ATP1A1: variants seen among roughly 807,000 people sequenced by gnomAD.
The protein encoded by ATP1A1 is ATPase Na+/K+ transporting subunit alpha 1.
ATP1A1 carries 14 observed loss-of-function variants against 114.8 expected under a neutral mutation model. The observed-to-expected ratio is 0.12, with a 90% CI of 0.08 to 0.19. The LOEUF (loss-of-function observed/expected upper bound fraction) is 0.19, where lower values mean the gene tolerates loss of function less well. Ranked by LOEUF, ATP1A1 falls within the 10% of genes least tolerant of loss-of-function variation. The pLI is 1.00. For missense variants in ATP1A1, 524 were observed against 1,290.7 expected (o/e 0.41, Z 9.10); for synonymous variants, 471 against 466.3 (o/e 1.01, Z -0.13).
In ATP1A1 at chr1:116,403,935, T is replaced by C. The variant is rs1290814804; in HGVS notation, c.3003T>C (p.Tyr1001=). ...CCTACTCTCTTCTCATCTTCGTATATGACGAAGTCAGAAAACTCATCATCA... is the reference window on the plus strand; with the variant it reads ...CCTACTCTCTTCTCATCTTCGTATACGACGAAGTCAGAAAACTCATCATCA... ...AFPYSLLIFV[Y]DEVRKLIIRR... The change falls in exon 22 of 23, where the codon TAT becomes TAC. Residue 1001 remains tyrosine (Y), a synonymous_variant. Transcript: ENST00000295598. The C allele has an allele frequency of 3.7e-6, 6 of 1,614,258 alleles. No individual in the cohort carries two copies. Among genetic ancestry groups the C allele is most frequent in the South Asian group, 1.1e-5 (1 of 91,088 alleles).
rs944306307 is a variant in ATP1A1 at position 116,384,217 on chromosome 1, A to G, written c.123+93A>G. 1.0e-5 allele frequency: 10 copies of G among 993,094 alleles called. No individual in the cohort carries two copies. The highest frequency in any genetic ancestry group is 3.3e-5 in the African/African-American group (2 of 61,012). 61.5% of individuals were successfully genotyped at this position (993,094 alleles called of 1,614,324 possible). On this transcript the variant is annotated intron_variant, in intron 2 of 22. Coordinates refer to ENST00000295598, the MANE Select transcript of ATP1A1 (RefSeq NM_000701.8). The surrounding 1 kb of genome is among the most constrained non-coding windows in gnomAD (Gnocchi z 5.1). ...TCACTGTATTCTTCAAAGAACTGCT[A>G]TATATTAAAAGAGATCATAGCAGCT...
intron 10 of ATP1A1, 142 bp downstream of exon 10, chr1:116,391,033 T>C: frequency 1.6e-6 from 1 of 644,940 alleles, no homozygotes; most frequent in Non-Finnish European, 2.7e-6. Flanking sequence ...AGTACTTTGC[T>C]GTGTGTAACT....
At position 116,373,366 on chromosome 1, in the gene ATP1A1, G is replaced by GCCCAACCCCCC; in HGVS notation, c.-143_-142insAACCCCCCCCC. 4.1e-6 allele frequency: 2 copies of GCCCAACCCCCC among 491,884 alleles called. No individual in the cohort carries two copies. Among genetic ancestry groups the GCCCAACCCCCC allele is most frequent in the Non-Finnish European group, 3.2e-6 (1 of 310,222 alleles). 30.5% of individuals were successfully genotyped at this position (491,884 alleles called of 1,614,324 possible). ...GCGGCATCGGCCCGAGCCGCCGGCC[G>GCCCAACCCCCC]CCCTCCCACCCTCCCGCCCCGCGGC... On this transcript the variant is annotated 5_prime_UTR_variant, in exon 1 of 23. Transcript: ENST00000295598.
intron 1 of ATP1A1, among the ~76,000 whole-genome samples, chr1:116,380,113 C>T (rs1352704668): frequency 6.6e-6 from 1 of 152,178 alleles, no homozygotes; most frequent in Non-Finnish European, 1.5e-5. Flanking sequence ...ACTAATCAGA[C>T]TATGAAAATG....
Position 116,387,333 on chromosome 1 carries a change from C to T in ATP1A1, c.229C>T (p.Pro77Ser). The change falls in exon 4 of 23, where the codon CCC (proline) becomes TCC (serine). Residue 77 changes from proline to serine, a missense_variant. By Grantham distance (74) the Pro-to-Ser change is moderately conservative. This residue lies in a region of ATP1A1 where 141 missense variants were observed against 316.6 expected (regional missense o/e 0.45). Transcript: ENST00000295598. The surrounding 1 kb of genome is among the most constrained non-coding windows in gnomAD (Gnocchi z 6.7). Reference sequence around the variant, plus strand: ...AGCTGAGATCCTGGCGCGAGATGGTCCCAACGCCCTCACTCCCCCTCCCAC... The same window carrying T: ...AGCTGAGATCCTGGCGCGAGATGGTTCCAACGCCCTCACTCCCCCTCCCAC... ...RAAEILARDG[P>S]NALTPPPTTP... The T allele has an allele frequency of 6.2e-7, 1 of 1,614,166 alleles. No homozygotes were observed. The highest frequency in any genetic ancestry group is 8.5e-7 in the Non-Finnish European group (1 of 1,180,030).
In ATP1A1 at chr1:116,389,706, C is replaced by T. The variant is rs759607882; in HGVS notation, c.1022C>T (p.Thr341Met). The T allele has an allele frequency of 1.2e-6, 2 of 1,613,954 alleles. No individual in the cohort carries two copies. The highest frequency in any genetic ancestry group is 8.5e-7 in the Non-Finnish European group (1 of 1,179,898). Residue 341 changes from threonine (T) to methionine (M), a missense_variant and splice_region_variant, in exon 8 of 23, where the codon ACG becomes ATG. Thr to Met is a moderately conservative substitution (Grantham distance 81). Around this residue, in one of 8 missense-constraint regions of ATP1A1, gnomAD observed 28 missense variants for 131.8 expected, o/e 0.21. Coordinates refer to ENST00000295598, the MANE Select transcript of ATP1A1 (RefSeq NM_000701.8). This position sits in a 1 kb window ranked among gnomAD's most constrained non-coding sequence, Gnocchi z 6.9. Reference protein sequence around the residue: ...NVPEGLLATVTVCLTLTAKRM... With the variant: ...NVPEGLLATVMVCLTLTAKRM... Reference sequence around the variant, plus strand: ...CCGGAAGGTTTGCTGGCCACTGTCACGGTAAGAGGCAGGTGATGGTCACCC... The same window carrying T: ...CCGGAAGGTTTGCTGGCCACTGTCATGGTAAGAGGCAGGTGATGGTCACCC...
intron 1 of ATP1A1, chr1:116,374,162 G>T: frequency 6.5e-7 from 1 of 1,549,484 alleles, no homozygotes; most frequent in Non-Finnish European, 8.7e-7. Context: ...GAAAAAACTG[G>T]CTGCTTCTAA....
rs1192890888 is a variant in ATP1A1, at chr1:116,393,291, CG to C, written c.1468-239del. On this transcript the variant is annotated intron_variant, in intron 11 of 22. Transcript: ENST00000295598. This position sits in a 1 kb window ranked among gnomAD's most constrained non-coding sequence, Gnocchi z 5.0. ...CCCCAATCCCTGTGTTCTGAAATTT[CG>C]TATGTTCTTTTTTAATGTGAACAAA... 4.6e-5 allele frequency among the ~76,000 whole-genome samples: 7 copies of C among 151,012 alleles called. No homozygotes were observed. Among genetic ancestry groups the C allele is most frequent in the Non-Finnish European group, 8.8e-5 (6 of 67,938 alleles).
chr1:116,373,926 G>C (rs1651172392), intron 1 of ATP1A1: 2 of 1,308,838 alleles, frequency 1.5e-6, no homozygotes, highest in Non-Finnish European at 1.9e-6. Flanking sequence ...CCCTCCCTGC[G>C]ACCGCCGTCA....
rs952022699 is a variant in ATP1A1 at position 116,389,957 on chromosome 1, G to A, written c.1023+250G>A. On this transcript the variant is annotated intron_variant, in intron 8 of 22. Transcript: ENST00000295598. The surrounding 1 kb of genome is among the most constrained non-coding windows in gnomAD (Gnocchi z 6.9). Reference sequence around the variant, plus strand: ...ACGTGGTCCTGAACAGTGCAGTGGAGAAAGGAGAAGAACTTGGGATCAAGT... The same window carrying A: ...ACGTGGTCCTGAACAGTGCAGTGGAAAAAGGAGAAGAACTTGGGATCAAGT... 7.5e-6 allele frequency: 5 copies of A among 669,072 alleles called. No homozygotes were observed. The East Asian group carries it at 1.1e-4, about 15-fold the overall frequency. 41.4% of individuals were successfully genotyped at this position (669,072 alleles called of 1,614,324 possible).
At chr1:116,386,835 G>C (rs537622919) in intron 3 of ATP1A1, among the ~76,000 whole-genome samples, 1 of 152,266 alleles carries the variant, frequency 6.6e-6, no homozygotes, top group South Asian at 2.1e-4. Flanking sequence ...ATTTCTACAG[G>C]AAGTTTTTTT....
At position 116,387,480 on chromosome 1, in the gene ATP1A1, C is replaced by G. The variant is rs1652176795; in HGVS notation, c.376C>G (p.Gln126Glu). The change falls in exon 4 of 23, where the codon CAA becomes GAA. Residue 126 changes from glutamine to glutamate, a missense_variant. Physicochemically the swap from Gln to Glu is conservative, Grantham distance 29 (BLOSUM62 2). Around this residue, in one of 8 missense-constraint regions of ATP1A1, gnomAD observed 141 missense variants for 316.6 expected, o/e 0.45. Transcript: ENST00000295598. This position sits in a 1 kb window ranked among gnomAD's most constrained non-coding sequence, Gnocchi z 6.7. ...SIQAATEEEP[Q>E]NDNLYLGVVL... ...CCAAGCTGCTACAGAAGAGGAACCT[C>G]AAAACGATAATGTGAGTTCTGTAAT... The G allele has an allele frequency of 1.2e-6, 2 of 1,614,176 alleles. No individual in the cohort carries two copies. Among genetic ancestry groups the G allele is most frequent in the Non-Finnish European group, 1.7e-6 (2 of 1,180,022 alleles).
Position 116,388,808 on chromosome 1 carries a change from T to C in ATP1A1, c.636+36T>C. ...TATTTTAACAAACCTCATAGCTAGC[T>C]CTGCTGTTCGGGCAGCTTGATTTGA... On this transcript the variant is annotated intron_variant, in intron 6 of 22. Transcript: ENST00000295598. This position sits in a 1 kb window ranked among gnomAD's most constrained non-coding sequence, Gnocchi z 5.6. 6.2e-7 allele frequency: 1 copy of C among 1,613,352 alleles called. No homozygotes were observed. Among genetic ancestry groups the C allele is most frequent in the East Asian group, 2.2e-5 (1 of 44,872 alleles).
At chr1:116,383,984 T>C (rs984468691) in intron 1 of ATP1A1, 30 bp from the exon 2 acceptor site, 3 of 1,580,330 alleles carry the variant, frequency 1.9e-6, no homozygotes, top group Admixed American at 3.4e-5. Context: ...TCATAATTCA[T>C]GGCCTCACTT....
intron 12 of ATP1A1, among the ~76,000 whole-genome samples, chr1:116,394,015 A>C (rs1473883684): frequency 6.6e-6 from 1 of 152,218 alleles, no homozygotes; most frequent in Admixed American, 6.5e-5. Context: ...GTTTAAAAAA[A>C]AAAATGGTGG....
chr1:116,381,351 G>T lies in ATP1A1; in HGVS notation c.13-2663G>T, dbSNP rs75844757. Among the ~76,000 whole-genome samples the T allele has an allele frequency of 9.7e-4, 148 of 152,324 alleles. No individual in the cohort carries two copies. Among genetic ancestry groups the T allele is most frequent in the African/African-American group, 3.5e-3 (144 of 41,574 alleles). ...TTGCAGCTTTGAGACTGAGGTAATT[G>T]AGACTGATAGGGATTTAAGGATATT... is the stretch of plus-strand genomic sequence containing the variant. On this transcript the variant is annotated intron_variant, in intron 1 of 22. Coordinates refer to ENST00000295598, the MANE Select transcript of ATP1A1 (RefSeq NM_000701.8). The surrounding 1 kb of genome is among the most constrained non-coding windows in gnomAD (Gnocchi z 5.1).
In ATP1A1 at chr1:116,393,017, C is replaced by T. The variant is rs374457683; in HGVS notation, c.1467+29C>T. 1.1e-5 allele frequency: 17 copies of T among 1,609,704 alleles called. No individual in the cohort carries two copies. The highest frequency in any genetic ancestry group is 5.0e-5 in the Admixed American group (3 of 59,524). ...TGAAGATCGATGGGTACACGGAGGG[C>T]GAGGGCAAGCTGGGGGACAAAGAGG... On this transcript the variant is annotated intron_variant, in intron 11 of 22. Transcript: ENST00000295598. The surrounding 1 kb of genome is among the most constrained non-coding windows in gnomAD (Gnocchi z 5.0).
chr1:116,400,239 G>A (rs942970594), intron 18 of ATP1A1, among the ~76,000 whole-genome samples: 14 of 152,248 alleles, frequency 9.2e-5, no homozygotes, highest in Non-Finnish European at 1.9e-4. Flanking sequence ...TTATGGCAAA[G>A]ATTCATTAGA....
In ATP1A1 at chr1:116,395,190, G is replaced by C; in HGVS notation, c.1741G>C (p.Asp581His). 2 of 1,614,084 alleles carry C rather than the reference G, an allele frequency of 1.2e-6. No individual in the cohort carries two copies. The highest frequency in any genetic ancestry group is 1.7e-6 in the Non-Finnish European group (2 of 1,180,014). The change falls in exon 13 of 23, where the codon GAT (aspartate) becomes CAT (histidine). Residue 581 changes from aspartate (D) to histidine (H), a missense_variant. Asp to His is a moderately conservative substitution (Grantham distance 81). Around this residue, in one of 8 missense-constraint regions of ATP1A1, gnomAD observed 143 missense variants for 259.3 expected, o/e 0.55. Coordinates refer to ENST00000295598, the MANE Select transcript of ATP1A1 (RefSeq NM_000701.8). This position sits in a 1 kb window ranked among gnomAD's most constrained non-coding sequence, Gnocchi z 6.4. ...FDTDDVNFPI[D>H]NLCFVGLISM... The stretch of plus-strand genomic sequence containing the variant: ...CACTGACGATGTGAATTTCCCTATC[G>C]ATAATCTGTGCTTTGTTGGGCTCAT...
Sources: allele counts gnomAD v4.1 joint callset (sites outside exome capture counted in the v4.1 genomes callset), GRCh38; gene constraint gnomAD v4.1.1; regional missense constraint gnomAD v4.1.1; non-coding constraint Gnocchi (gnomAD v3.1); transcripts MANE v1.5; gene names NCBI Gene and HGNC (gene_info 2026-07-23, HGNC 2026-07-21).